Variants in NFIX observed in about 807,000 individuals in gnomAD.
NFIX encodes nuclear factor 1 X-type.
NFIX carries 2 observed loss-of-function variants against 53.3 expected under a neutral mutation model. The observed-to-expected ratio is 0.04, with a 90% CI of 0.02 to 0.12. NFIX has a LOEUF of 0.12. Among genes scored for constraint, NFIX ranks in the 10% least tolerant of loss-of-function variants. The pLI, the probability that NFIX is intolerant of heterozygous loss-of-function variation, is 1.00. For synonymous variants in NFIX, 244 were observed against 289.0 expected (o/e 0.84, Z 1.58); for missense variants, 310 against 674.5 (o/e 0.46, Z 5.99).
Position 13,074,806 on chromosome 19 carries a change from A to G in NFIX, c.819-729A>G, listed in dbSNP as rs755939472. Among the ~76,000 whole-genome samples, 3 of 151,450 alleles carry G rather than the reference A, an allele frequency of 2.0e-5. No individual in the cohort carries two copies. In the East Asian group the frequency reaches 5.8e-4, roughly 29 times the overall value. On this transcript the variant is annotated intron_variant, in intron 5 of 10. Transcript: ENST00000592199. ...GGGACTAGGCCAGGCTCGGTGGCTC[A>G]CGCCTGTAATCCCAGCACTTTGGGA...
chr19:13,094,813 C>G lies in NFIX; in HGVS notation c.*164C>G. 1 of 684,572 alleles carries G rather than the reference C, an allele frequency of 1.5e-6. No homozygotes were observed. The highest frequency in any genetic ancestry group is 1.8e-5 in the African/African-American group (1 of 55,384). The allele number at this position is 684,572 out of a possible 1,614,324, so 42.4% of individuals were successfully genotyped here. ...GCCCTTCTCTCCTCCAGCCCGGGGACCCCCGCGGGCCCCAGAAGCAGCCCA... is the reference window on the plus strand; with the variant it reads ...GCCCTTCTCTCCTCCAGCCCGGGGAGCCCCGCGGGCCCCAGAAGCAGCCCA... On this transcript the variant is annotated 3_prime_UTR_variant, in exon 11 of 11. Coordinates refer to ENST00000592199, the MANE Select transcript of NFIX (RefSeq NM_001365902.3). The surrounding 1 kb of genome is among the most constrained non-coding windows in gnomAD (Gnocchi z 4.3).
Position 13,027,181 on chromosome 19 carries a change from C to T in NFIX, c.559+1629C>T, listed in dbSNP as rs935954490. On this transcript the variant is annotated intron_variant, in intron 2 of 10. Transcript: ENST00000592199. The surrounding 1 kb of genome is among the most constrained non-coding windows in gnomAD (Gnocchi z 4.3). The stretch of plus-strand genomic sequence containing the variant: ...AAGCAGGGGACACCACTCTCACCCC[C>T]CAAGTCTCTACCTACTTCTGTGGAT... Among the ~76,000 whole-genome samples the T allele has an allele frequency of 1.3e-5, 2 of 152,154 alleles. No individual in the cohort carries two copies. The highest frequency in any genetic ancestry group is 2.4e-5 in the African/African-American group (1 of 41,428).
chr19:13,038,957 C>G (rs1418703453), intron 2 of NFIX, among the ~76,000 whole-genome samples: 1 of 152,160 alleles, frequency 6.6e-6, no homozygotes, highest in Non-Finnish European at 1.5e-5. Flanking sequence ...GCCCAAGGGT[C>G]TACATGCAAG....
At position 13,011,188 on chromosome 19, in the gene NFIX, C is replaced by A. The variant is rs547337996; in HGVS notation, c.28-13833C>A. 6.6e-6 allele frequency among the ~76,000 whole-genome samples: 1 copy of A among 152,236 alleles called. No individual in the cohort carries two copies. Among genetic ancestry groups the A allele is most frequent in the East Asian group, 1.9e-4 (1 of 5,176 alleles). On this transcript the variant is annotated intron_variant, in intron 1 of 10. Coordinates refer to ENST00000592199, the MANE Select transcript of NFIX (RefSeq NM_001365902.3). The surrounding 1 kb of genome is among the most constrained non-coding windows in gnomAD (Gnocchi z 6.5). The stretch of plus-strand genomic sequence containing the variant: ...TCCCACGTTCTTAAAGACCGGGGAC[C>A]CCCCCTCCCCCAAGGGCCGGACTGC...
chr19:13,031,286 G>A (rs559595919), intron 2 of NFIX, among the ~76,000 whole-genome samples: 2 of 152,240 alleles, frequency 1.3e-5, no homozygotes, highest in South Asian at 4.1e-4. Context: ...CACCTTTGTC[G>A]GAGCTTGAGC....
intron 7 of NFIX, among the ~76,000 whole-genome samples, chr19:13,079,727 C>T (rs781241752): frequency 5.9e-5 from 9 of 152,232 alleles, no homozygotes; most frequent in Non-Finnish European, 1.0e-4. Context: ...AGGCCTGGCT[C>T]CTCCGGCTCC....
chr19:13,019,500 C>T (rs1245399010), intron 1 of NFIX, among the ~76,000 whole-genome samples: 1 of 151,966 alleles, frequency 6.6e-6, no homozygotes, highest in Non-Finnish European at 1.5e-5. Context: ...TGTTTCCCTC[C>T]ATCTTTGTCC....
At position 13,056,150 on chromosome 19, in the gene NFIX, A is replaced by G. The variant is rs115060617; in HGVS notation, c.560-16897A>G. On this transcript the variant is annotated intron_variant, in intron 2 of 10. Transcript: ENST00000592199. ...CAGCCCCAGCCAACTTTGCTGCCGC[A>G]GTACCCGCCCTTCGGAAGGAGTTGG... 5.1e-3 allele frequency among the ~76,000 whole-genome samples: 783 copies of G among 152,286 alleles called. 7 individuals are homozygous for G. Among genetic ancestry groups the G allele is most frequent in the African/African-American group, 0.018 (729 of 41,566 alleles).
chr19:13,056,737 T>C (rs1179096226), intron 2 of NFIX, among the ~76,000 whole-genome samples: 1 of 152,208 alleles, frequency 6.6e-6, no homozygotes, highest in African/African-American at 2.4e-5. Context: ...GCTGCAGAAT[T>C]TGTGGGGCCC....
intron 1 of NFIX, among the ~76,000 whole-genome samples, chr19:13,017,455 G>A (rs938781860): frequency 2.6e-4 from 40 of 152,198 alleles, no homozygotes; most frequent in African/African-American, 9.4e-4. Flanking sequence ...GGTTCCCTCA[G>A]GACCGAGGGG....
rs1268288593 is a variant in NFIX, at chr19:13,066,242, C to T, written c.560-6805C>T. ...TTGCTCCAGGGGCACCCGTAGAGGC[C>T]GGGATGTGTTGGAATGGAGAAAGTA... On this transcript the variant is annotated intron_variant, in intron 2 of 10. Transcript: ENST00000592199. The surrounding 1 kb of genome is among the most constrained non-coding windows in gnomAD (Gnocchi z 4.2). Among the ~76,000 whole-genome samples, 3 of 152,078 alleles carry T rather than the reference C, an allele frequency of 2.0e-5. No individual in the cohort carries two copies. The highest frequency in any genetic ancestry group is 1.9e-4 in the East Asian group (1 of 5,196).
rs747170929 is a variant in NFIX at position 13,040,881 on chromosome 19, T to G, written c.559+15329T>G. Among the ~76,000 whole-genome samples, 9 of 152,174 alleles carry G rather than the reference T, an allele frequency of 5.9e-5. No individual in the cohort carries two copies. The highest frequency in any genetic ancestry group is 1.0e-4 in the Non-Finnish European group (7 of 68,034). On this transcript the variant is annotated intron_variant, in intron 2 of 10. Transcript: ENST00000592199. This position sits in a 1 kb window ranked among gnomAD's most constrained non-coding sequence, Gnocchi z 4.2. ...TGTTTCCAGTAGTTTTTGAGTGAATTCCGAGCACTCCACTTTCTACCTTAA... is the reference window on the plus strand; with the variant it reads ...TGTTTCCAGTAGTTTTTGAGTGAATGCCGAGCACTCCACTTTCTACCTTAA...
Position 13,028,827 on chromosome 19 carries a change from G to A in NFIX, c.559+3275G>A, listed in dbSNP as rs184478716. On this transcript the variant is annotated intron_variant, in intron 2 of 10. Transcript: ENST00000592199. The surrounding 1 kb of genome is among the most constrained non-coding windows in gnomAD (Gnocchi z 4.2). ...ATCTCTGCTTGTGTGAGAAAGGATG[G>A]CCGAGCTGGCCTAGAACCGCTGCTA... 3.9e-5 allele frequency among the ~76,000 whole-genome samples: 6 copies of A among 152,252 alleles called. No homozygotes were observed. Among genetic ancestry groups the A allele is most frequent in the Admixed American group, 2.6e-4 (4 of 15,298 alleles).
rs150658109 is a variant in NFIX at position 13,045,702 on chromosome 19, G to A, written c.559+20150G>A. On this transcript the variant is annotated intron_variant, in intron 2 of 10. Transcript: ENST00000592199. This position sits in a 1 kb window ranked among gnomAD's most constrained non-coding sequence, Gnocchi z 4.4. ...AACTGCACTGTGTTGACCCCATGGCGGGCATCAGGGGACCACAGGCTGTGG... is the reference window on the plus strand; with the variant it reads ...AACTGCACTGTGTTGACCCCATGGCAGGCATCAGGGGACCACAGGCTGTGG... Among the ~76,000 whole-genome samples, 1 of 152,174 alleles carries A rather than the reference G, an allele frequency of 6.6e-6. No individual in the cohort carries two copies. The highest frequency in any genetic ancestry group is 2.4e-5 in the African/African-American group (1 of 41,432).
rs977862616 is a variant in NFIX, at chr19:13,028,917, C to G, written c.559+3365C>G. 3.3e-5 allele frequency among the ~76,000 whole-genome samples: 5 copies of G among 152,062 alleles called. No individual in the cohort carries two copies. The highest frequency in any genetic ancestry group is 1.2e-4 in the African/African-American group (5 of 41,398). ...CAGTGCCTTCAGACCTTCCCTGACA[C>G]CTAAGCCTTGGTCCTAGGAAAGAAA... On this transcript the variant is annotated intron_variant, in intron 2 of 10. Transcript: ENST00000592199. This position sits in a 1 kb window ranked among gnomAD's most constrained non-coding sequence, Gnocchi z 4.2.
At position 13,012,412 on chromosome 19, in the gene NFIX, C is replaced by G. The variant is rs930466755; in HGVS notation, c.28-12609C>G. The G allele has an allele frequency of 2.0e-5, 3 of 152,262 alleles. No homozygotes were observed. Among genetic ancestry groups the G allele is most frequent in the Non-Finnish European group, 4.4e-5 (3 of 68,228 alleles). The allele number at this position is 152,262 out of a possible 1,614,324, so 9.4% of individuals were successfully genotyped here. A position where few individuals can be genotyped will look rare whatever the true frequency, so the allele number is the denominator to read the frequency against. Reference sequence around the variant, plus strand: ...CCTCGCTGCTCAAGCGCGGCTCCCTCTTGCCGGGGCGCGGCCTGCCCCTCA... The same window carrying G: ...CCTCGCTGCTCAAGCGCGGCTCCCTGTTGCCGGGGCGCGGCCTGCCCCTCA... On this transcript the variant is annotated intron_variant, in intron 1 of 10. Transcript: ENST00000592199. This position sits in a 1 kb window ranked among gnomAD's most constrained non-coding sequence, Gnocchi z 5.0.
In NFIX at chr19:13,002,564, G is replaced by A. The variant is rs1381071816; in HGVS notation, c.27+6700G>A. 6.6e-6 allele frequency among the ~76,000 whole-genome samples: 1 copy of A among 152,256 alleles called. No homozygotes were observed. Among genetic ancestry groups the A allele is most frequent in the East Asian group, 1.9e-4 (1 of 5,156 alleles). On this transcript the variant is annotated intron_variant, in intron 1 of 10. Coordinates refer to ENST00000592199, the MANE Select transcript of NFIX (RefSeq NM_001365902.3). The surrounding 1 kb of genome is among the most constrained non-coding windows in gnomAD (Gnocchi z 6.1). ...CAGGGTGACTGAGCTGCCCGGCGGGGCGGGCGGGCAGGGAGGGGTCGGGGG... is the reference window on the plus strand; with the variant it reads ...CAGGGTGACTGAGCTGCCCGGCGGGACGGGCGGGCAGGGAGGGGTCGGGGG...
rs1437228541 is a variant in NFIX at position 13,006,541 on chromosome 19, G to A, written c.27+10677G>A. On this transcript the variant is annotated intron_variant, in intron 1 of 10. Coordinates refer to ENST00000592199, the MANE Select transcript of NFIX (RefSeq NM_001365902.3). The surrounding 1 kb of genome is among the most constrained non-coding windows in gnomAD (Gnocchi z 5.6). Reference sequence around the variant, plus strand: ...CCTGCTGCTCTGAGCTGGGGGATGGGGCAGGGGCAGCTGGTGGCCCAGAGT... The same window carrying A: ...CCTGCTGCTCTGAGCTGGGGGATGGAGCAGGGGCAGCTGGTGGCCCAGAGT... 6.6e-6 allele frequency among the ~76,000 whole-genome samples: 1 copy of A among 152,246 alleles called. No individual in the cohort carries two copies. The highest frequency in any genetic ancestry group is 1.5e-5 in the Non-Finnish European group (1 of 68,046).
In NFIX at chr19:13,073,645, G is replaced by A; in HGVS notation, c.697+149G>A. ...TCTCGGCTTCACTGGTGCTGGGCTG[G>A]GTACAATAGAGTCTTCCAGAGAGGC... On this transcript the variant is annotated intron_variant, in intron 4 of 10. Coordinates refer to ENST00000592199, the MANE Select transcript of NFIX (RefSeq NM_001365902.3). This position sits in a 1 kb window ranked among gnomAD's most constrained non-coding sequence, Gnocchi z 4.5. The A allele has an allele frequency of 1.2e-6, 1 of 812,516 alleles. No homozygotes were observed. Among genetic ancestry groups the A allele is most frequent in the East Asian group, 2.6e-5 (1 of 38,596 alleles). 50.3% of individuals were successfully genotyped at this position (812,516 alleles called of 1,614,324 possible).
Sources: allele counts gnomAD v4.1 joint callset (sites outside exome capture counted in the v4.1 genomes callset), GRCh38; gene constraint gnomAD v4.1.1; non-coding constraint Gnocchi (gnomAD v3.1); transcripts MANE v1.5; gene names NCBI Gene and HGNC (gene_info 2026-07-23, HGNC 2026-07-21).